Variants in SORCS1 observed in about 807,000 individuals in gnomAD.
The protein encoded by SORCS1 is sortilin related VPS10 domain containing receptor 1.
SORCS1 carries 60 observed loss-of-function variants against 146.1 expected under a neutral mutation model. The ratio of observed to expected loss-of-function variants is 0.41; its 90% CI spans 0.33 to 0.51. The LOEUF is 0.51. Among genes scored for constraint, SORCS1 ranks in the 20% least tolerant of loss-of-function variants. The probability of loss-of-function intolerance (pLI) is 0.21; values close to 1 mark genes in which losing one functional copy is unlikely to be tolerated. For missense variants in SORCS1, 1,352 were observed against 1,487.6 expected (o/e 0.91, Z 1.50); for synonymous variants, 637 against 584.0 (o/e 1.09, Z -1.31).
intron 5 of SORCS1, among the ~76,000 whole-genome samples, chr10:106,753,161 C>A (rs548091633): frequency 6.6e-6 from 1 of 152,012 alleles, no homozygotes; most frequent in South Asian, 2.1e-4. Flanking sequence ...TCTTTCTCTC[C>A]TTTTTTTGTA....
At chr10:106,651,545 T>C (rs1337010788) in intron 18 of SORCS1, among the ~76,000 whole-genome samples, 3 of 152,160 alleles carry the variant, frequency 2.0e-5, no homozygotes, top group African/African-American at 4.8e-5. Flanking sequence ...GCAGAGGAAG[T>C]TGGAAGTCAA....
intron 2 of SORCS1, 34 bp downstream of exon 2, chr10:106,956,479 A>G (rs1453016109): frequency 6.2e-7 from 1 of 1,602,684 alleles, no homozygotes; most frequent in Non-Finnish European, 8.5e-7. Context: ...TGCTTAAATA[A>G]CACGGTAATT....
At chr10:106,883,811 G>A (rs1186466906) in intron 2 of SORCS1, among the ~76,000 whole-genome samples, 5 of 152,170 alleles carry the variant, frequency 3.3e-5, no homozygotes, top group Non-Finnish European at 7.4e-5. Flanking sequence ...AAAAGAAAAC[G>A]ATGATGTTTC....
chr10:107,037,971 C>T (rs564922203), intron 1 of SORCS1, among the ~76,000 whole-genome samples: 6 of 152,266 alleles, frequency 3.9e-5, no homozygotes, highest in African/African-American at 1.2e-4. Flanking sequence ...GGATTACAGG[C>T]GTGCACCACC....
At chr10:106,643,949 C>T (rs1473469137) in intron 18 of SORCS1, among the ~76,000 whole-genome samples, 2 of 152,170 alleles carry the variant, frequency 1.3e-5, no homozygotes, top group African/African-American at 4.8e-5. Flanking sequence ...ATAGTATAAA[C>T]ATCTGCTGCT....
Position 107,160,744 on chromosome 10 carries a change from C to A in SORCS1, c.558+3225G>T, listed in dbSNP as rs766891971. 3.9e-4 allele frequency among the ~76,000 whole-genome samples: 60 copies of A among 152,146 alleles called. 1 individual carries two copies. The highest frequency in any genetic ancestry group is 1.6e-3 in the Admixed American group (25 of 15,276). On this transcript the variant is annotated intron_variant, in intron 1 of 25. Coordinates refer to ENST00000263054, the MANE Select transcript of SORCS1 (RefSeq NM_052918.5). Reference sequence around the variant, plus strand: ...AATATGAAAAAGAGATATTAACACCCGTCACCTACTTACTACCTACAAAGG... The same window carrying A: ...AATATGAAAAAGAGATATTAACACCAGTCACCTACTTACTACCTACAAAGG...
intron 19 of SORCS1, among the ~76,000 whole-genome samples, 165 bp from the exon 20 acceptor site, chr10:106,620,726 A>T (rs1288347550): frequency 6.6e-6 from 1 of 152,266 alleles, no homozygotes; most frequent in Non-Finnish European, 1.5e-5. Flanking sequence ...GAGAAAGAAT[A>T]CATTGAGCAC....
At chr10:106,625,284 T>C (rs1447206054) in intron 19 of SORCS1, among the ~76,000 whole-genome samples, 3 of 151,798 alleles carry the variant, frequency 2.0e-5, no homozygotes, top group Non-Finnish European at 2.9e-5. Context: ...GCATTTATGA[T>C]GTGGAGACCT....
chr10:106,945,562 T>C (rs899476525), intron 2 of SORCS1, among the ~76,000 whole-genome samples: 3 of 152,214 alleles, frequency 2.0e-5, no homozygotes, highest in African/African-American at 7.2e-5. Flanking sequence ...CCACGTGGTG[T>C]TCATACCAAT....
chr10:107,004,695 G>A (rs190878727), intron 1 of SORCS1, among the ~76,000 whole-genome samples: 76 of 152,244 alleles, frequency 5.0e-4, no homozygotes, highest in African/African-American at 1.7e-3. Context: ...TTTACCAGAA[G>A]TGGCTACTCT....
chr10:106,583,990 C>T (rs963707330), intron 24 of SORCS1, among the ~76,000 whole-genome samples: 6 of 152,214 alleles, frequency 3.9e-5, no homozygotes, highest in African/African-American at 1.4e-4. Flanking sequence ...AAACTTTCAA[C>T]TCTAATTCTA....
chr10:106,951,846 T>C (rs1375769021), intron 2 of SORCS1, among the ~76,000 whole-genome samples: 1 of 152,088 alleles, frequency 6.6e-6, no homozygotes, highest in Non-Finnish European at 1.5e-5. Flanking sequence ...ATAGGCAGGT[T>C]TTCTGAGCAT....
chr10:106,719,667 T>A (rs1185784163), intron 6 of SORCS1, among the ~76,000 whole-genome samples: 1 of 152,144 alleles, frequency 6.6e-6, no homozygotes, highest in Non-Finnish European at 1.5e-5. Flanking sequence ...TGCCTCGGCC[T>A]TCCAAAGTGC....
chr10:106,762,185 C>T (rs548342586), intron 4 of SORCS1, among the ~76,000 whole-genome samples: 2 of 152,082 alleles, frequency 1.3e-5, no homozygotes, highest in South Asian at 2.1e-4. Flanking sequence ...GGGACCTGAA[C>T]GAATGACAGC....
At chr10:106,708,949 A>G (rs929251181) in intron 7 of SORCS1, among the ~76,000 whole-genome samples, 1 of 152,096 alleles carries the variant, frequency 6.6e-6, no homozygotes, top group African/African-American at 2.4e-5. Context: ...AGACAATCTC[A>G]CTACTCTGTG....
intron 1 of SORCS1, among the ~76,000 whole-genome samples, chr10:106,997,259 G>A (rs551693810): frequency 2.6e-5 from 4 of 152,048 alleles, no homozygotes; most frequent in Non-Finnish European, 4.4e-5. Context: ...GGTGAACTCC[G>A]CCTGTCCCCT....
At chr10:106,844,983 G>T (rs1253375868) in intron 2 of SORCS1, among the ~76,000 whole-genome samples, 1 of 142,700 alleles carries the variant, frequency 7.0e-6, no homozygotes, top group Non-Finnish European at 1.5e-5. Flanking sequence ...GTCTATCATT[G>T]TTGGACATTT....
In SORCS1 at chr10:106,825,242, A is replaced by G. The variant is rs115242952; in HGVS notation, c.726+4332T>C. 5.7e-3 allele frequency among the ~76,000 whole-genome samples: 869 copies of G among 151,240 alleles called. 8 individuals are homozygous for G. The highest frequency in any genetic ancestry group is 0.02 in the African/African-American group (812 of 41,144). On this transcript the variant is annotated intron_variant, in intron 3 of 25. Transcript: ENST00000263054. The stretch of plus-strand genomic sequence containing the variant: ...AGGCAGAATACACATCAACTCAGAG[A>G]ATTTGAGAGTGAAATTGAGATTTCA...
chr10:107,011,792 T>A (rs1564923863), intron 1 of SORCS1, among the ~76,000 whole-genome samples: 1 of 152,216 alleles, frequency 6.6e-6, no homozygotes. Flanking sequence ...ATCCCCAGGC[T>A]GTTTTACTGT....
Sources: gnomAD v4.1 joint callset for allele counts (sites outside exome capture counted in the v4.1 genomes callset) on GRCh38, gnomAD v4.1.1 for gene constraint, MANE v1.5 for transcripts, NCBI Gene and HGNC (gene_info 2026-07-23, HGNC 2026-07-21) for gene names.